The following SDC2 variants were observed in gnomAD, a reference collection of about 807,000 sequenced individuals.
SDC2 encodes the protein syndecan 2.
SDC2 carries 13 observed loss-of-function variants against 22.2 expected under a neutral mutation model. The ratio of observed to expected loss-of-function variants is 0.59; its 90% CI spans 0.38 to 0.93. The LOEUF (loss-of-function observed/expected upper bound fraction) is 0.93. Ranked by LOEUF, SDC2 falls within the 40% of genes least tolerant of loss-of-function variation. The pLI, the probability that SDC2 is intolerant of heterozygous loss-of-function variation, is 0.00. For synonymous variants in SDC2, 94 were observed against 92.8 expected, an observed-to-expected ratio of 1.01 and a Z score of -0.07; for missense variants, 235 against 246.8, an observed-to-expected ratio of 0.95 and a Z score of 0.32.
intron 1 of SDC2, among the ~76,000 whole-genome samples, chr8:96,557,783 A>C (rs550509498): frequency 6.6e-6 from 1 of 152,332 alleles, no homozygotes; most frequent in South Asian, 2.1e-4. Flanking sequence ...AATAATAAAA[A>C]AAAAAGAATG....
chr8:96,544,442 C>T (rs1392365167), intron 1 of SDC2, among the ~76,000 whole-genome samples: 3 of 152,114 alleles, frequency 2.0e-5, no homozygotes, highest in Admixed American at 1.3e-4. Context: ...ACTTAAAAGA[C>T]TTATGCTCAT....
At chr8:96,510,170 G>A (rs949824023) in intron 1 of SDC2, among the ~76,000 whole-genome samples, 15 of 152,178 alleles carry the variant, frequency 9.9e-5, no homozygotes, top group African/African-American at 3.4e-4. Flanking sequence ...CAGAAAAATT[G>A]CATGTTTTAC....
intron 1 of SDC2, among the ~76,000 whole-genome samples, chr8:96,562,958 C>G (rs1177452913): frequency 6.6e-6 from 1 of 152,010 alleles, no homozygotes; most frequent in African/African-American, 2.4e-5. Flanking sequence ...TATTTCCTAA[C>G]TTTTCGCCTT....
rs144060360 is a variant in SDC2, at chr8:96,607,114, T to C, written c.307-1221T>C. On this transcript the variant is annotated intron_variant, in intron 3 of 4. Transcript: ENST00000302190. ...CTGAGGTGGAATAGTTTCATCCCCC[T>C]CCATCCCCCCCACCCTCCCATTCAT... Among the ~76,000 whole-genome samples, 674 of 150,348 alleles carry C rather than the reference T, an allele frequency of 4.5e-3. 5 individuals are homozygous for C. The highest frequency in any genetic ancestry group is 0.016 in the African/African-American group (651 of 39,972).
At chr8:96,525,983 C>T (rs1813571246) in intron 1 of SDC2, among the ~76,000 whole-genome samples, 1 of 152,108 alleles carries the variant, frequency 6.6e-6, no homozygotes, top group African/African-American at 2.4e-5. Flanking sequence ...CAAAAATGAA[C>T]AAAGTCAGTC....
At chr8:96,536,198 G>C (rs1156739810) in intron 1 of SDC2, among the ~76,000 whole-genome samples, 1 of 151,930 alleles carries the variant, frequency 6.6e-6, no homozygotes, top group Non-Finnish European at 1.5e-5. Flanking sequence ...GACAGAAGTG[G>C]GTCTGCCACA....
At chr8:96,588,147 G>T (rs1221827083) in intron 1 of SDC2, among the ~76,000 whole-genome samples, 1 of 152,200 alleles carries the variant, frequency 6.6e-6, no homozygotes, top group Non-Finnish European at 1.5e-5. Flanking sequence ...CCACACTTAG[G>T]TGTCAAGAGC....
At chr8:96,536,093 A>C (rs1813750278) in intron 1 of SDC2, among the ~76,000 whole-genome samples, 1 of 152,094 alleles carries the variant, frequency 6.6e-6, no homozygotes, top group Non-Finnish European at 1.5e-5. Flanking sequence ...TGAGGAATTT[A>C]ATTTATGGGT....
chr8:96,499,822 C>G (rs1029695754), intron 1 of SDC2, among the ~76,000 whole-genome samples: 1 of 150,888 alleles, frequency 6.6e-6, no homozygotes, highest in Non-Finnish European at 1.5e-5. Flanking sequence ...GTTCTTACCT[C>G]TCTGACATTC....
At chr8:96,544,175 T>C (rs976932227) in intron 1 of SDC2, among the ~76,000 whole-genome samples, 11 of 152,162 alleles carry the variant, frequency 7.2e-5, no homozygotes, top group Admixed American at 4.6e-4. Context: ...ACAGTATTCC[T>C]TGTTAGGAAA....
At chr8:96,583,048 TC>T (rs1173266112) in intron 1 of SDC2, among the ~76,000 whole-genome samples, 1 of 138,364 alleles carries the variant, frequency 7.2e-6, no homozygotes, top group Non-Finnish European at 1.5e-5. Flanking sequence ...TTGGCATTTT[TC>T]TGAAGTGTGA....
intron 1 of SDC2, 102 bp downstream of exon 1, chr8:96,494,433 C>A: frequency 2.7e-6 from 3 of 1,103,968 alleles, no homozygotes; most frequent in South Asian, 1.5e-5. Context: ...AACCCCCAGT[C>A]CCCAAGTATA....
chr8:96,579,992 G>A (rs1185746553), intron 1 of SDC2, among the ~76,000 whole-genome samples: 1 of 152,074 alleles, frequency 6.6e-6, no homozygotes, highest in African/African-American at 2.4e-5. Context: ...TTTTTACAGA[G>A]CCCCCCCAGC....
chr8:96,502,484 TGAC>T, intron 1 of SDC2, among the ~76,000 whole-genome samples: 1 of 93,574 alleles, frequency 1.1e-5, no homozygotes, highest in African/African-American at 3.5e-5. Context: ...GAAGACTACA[TGAC>T]TTGATATACT....
intron 1 of SDC2, among the ~76,000 whole-genome samples, chr8:96,583,152 A>G (rs936981636): frequency 1.4e-5 from 2 of 143,830 alleles, no homozygotes; most frequent in Middle Eastern, 3.8e-3. Flanking sequence ...AGATCTTACT[A>G]TGTTGCCCTG....
intron 1 of SDC2, among the ~76,000 whole-genome samples, chr8:96,536,536 A>G (rs964982423): frequency 8.2e-5 from 2 of 24,364 alleles, no homozygotes; most frequent in Non-Finnish European, 1.6e-4. Flanking sequence ...TGCCTAGGCC[A>G]ATCTCCAACT....
chr8:96,504,635 CTCT>C (rs1173100531), intron 1 of SDC2, among the ~76,000 whole-genome samples: 3 of 152,158 alleles, frequency 2.0e-5, no homozygotes, highest in African/African-American at 7.2e-5. Flanking sequence ...CTGTTGGTTT[CTCT>C]TTTCTTCCAT....
chr8:96,524,476 G>A (rs1205004252), intron 1 of SDC2, among the ~76,000 whole-genome samples: 1 of 152,196 alleles, frequency 6.6e-6, no homozygotes, highest in East Asian at 1.9e-4. Context: ...AATTAAGACC[G>A]GTCAGAACTA....
intron 1 of SDC2, among the ~76,000 whole-genome samples, chr8:96,560,758 T>C (rs1294847024): frequency 6.6e-6 from 1 of 151,320 alleles, no homozygotes. Context: ...GGTTCATGGA[T>C]CTTTAAAACT....
Sources: allele counts gnomAD v4.1 joint callset (sites outside exome capture counted in the v4.1 genomes callset), GRCh38; gene constraint gnomAD v4.1.1; transcripts MANE v1.5; gene names NCBI Gene and HGNC (gene_info 2026-07-23, HGNC 2026-07-21).